Variants in EHMT1 observed in about 807,000 individuals in gnomAD.
The protein encoded by EHMT1 is euchromatic histone lysine methyltransferase 1.
Under a neutral mutation model 147.2 loss-of-function variants are expected in EHMT1, and 15 were observed. That is an observed-to-expected ratio of 0.10 (90% confidence interval 0.07 to 0.16). The LOEUF is 0.16. Among genes scored for constraint, EHMT1 ranks in the 10% least tolerant of loss-of-function variants. The probability of loss-of-function intolerance (pLI) is 1.00; values close to 1 mark genes in which losing one functional copy is unlikely to be tolerated. For missense variants in EHMT1, 1,587 were observed against 1,772.4 expected (o/e 0.90, Z 1.88); for synonymous variants, 795 against 709.6 (o/e 1.12, Z -1.91).
chr9:137,695,923 A>G (rs1423915911), intron 1 of EHMT1, among the ~76,000 whole-genome samples: 3 of 152,250 alleles, frequency 2.0e-5, no homozygotes, highest in African/African-American at 7.2e-5. Context: ...GACAAATGCC[A>G]TAGCCGAAAG....
At chr9:137,760,138 C>T (rs4610828) in intron 9 of EHMT1, among the ~76,000 whole-genome samples, 14,674 of 152,106 alleles carry the variant, frequency 0.096, 1,000 homozygotes, top group Non-Finnish European at 0.15. Context: ...TGGGCTAGGG[C>T]GGGAGAGGCA....
intron 1 of EHMT1, among the ~76,000 whole-genome samples, chr9:137,672,217 C>CT (rs1039596391): frequency 6.6e-6 from 1 of 152,160 alleles, no homozygotes; most frequent in African/African-American, 2.4e-5. Context: ...ACTTTTGTTT[C>CT]TTTTTTTAAA....
rs924640838 is a variant in EHMT1, at chr9:137,828,855, G to T, written c.3541-5494G>T. ...TGCCAGTTCAGCACCTTGGAGAGCT[G>T]CCGCCTCTGTGCCTCCCCTCCTGCT... On this transcript the variant is annotated intron_variant, in intron 25 of 26. Transcript: ENST00000460843. The surrounding 1 kb of genome is among the most constrained non-coding windows in gnomAD (Gnocchi z 5.3). Among the ~76,000 whole-genome samples the T allele has an allele frequency of 5.3e-5, 8 of 152,150 alleles. No individual in the cohort carries two copies. The highest frequency in any genetic ancestry group is 1.4e-4 in the African/African-American group (6 of 41,434).
chr9:137,817,852 CGCAGAGCTTTCG>C (rs1564819364), intron 24 of EHMT1, 196 bp from the exon 25 acceptor site: 1 of 637,556 alleles, frequency 1.6e-6, no homozygotes, highest in East Asian at 2.7e-5. Flanking sequence ...AGACCGCAGA[CGCAGAGCTTTCG>C]GTATCGTTAT....
chr9:137,817,315 G>A (rs895841769), intron 23 of EHMT1, 124 bp from the exon 24 acceptor site: 11 of 1,093,028 alleles, frequency 1.0e-5, no homozygotes, highest in African/African-American at 4.6e-5. Context: ...AGCATCGAAC[G>A]CTTCGGATAC....
chr9:137,787,874 G>T lies in EHMT1; in HGVS notation c.2383-2974G>T, dbSNP rs2137023089. The T allele has an allele frequency of 8.3e-7, 1 of 1,209,924 alleles. No individual in the cohort carries two copies. The highest frequency in any genetic ancestry group is 2.3e-5 in the East Asian group (1 of 42,886). The allele number at this position is 1,209,924 out of a possible 1,614,324, so 74.9% of individuals were successfully genotyped here. A position where few individuals can be genotyped will look rare whatever the true frequency, so the allele number is the denominator to read the frequency against. ...GACATTGGGGATAGGAGGTGGGTGGGGGTGCCAAGGGCATTACCACATTGG... is the reference window on the plus strand; with the variant it reads ...GACATTGGGGATAGGAGGTGGGTGGTGGTGCCAAGGGCATTACCACATTGG... On this transcript the variant is annotated intron_variant, in intron 15 of 26. Coordinates refer to ENST00000460843, the MANE Select transcript of EHMT1 (RefSeq NM_024757.5). This position sits in a 1 kb window ranked among gnomAD's most constrained non-coding sequence, Gnocchi z 4.2.
chr9:137,744,606 C>T (rs537632363), intron 6 of EHMT1, among the ~76,000 whole-genome samples: 5 of 152,372 alleles, frequency 3.3e-5, no homozygotes, highest in East Asian at 3.9e-4. Context: ...CCATGAGCCA[C>T]GGCGCCCGCC....
At chr9:137,770,157 GTGTTTTTTTCTTTCTT>G (rs1950501233) in intron 10 of EHMT1, among the ~76,000 whole-genome samples, 1 of 152,156 alleles carries the variant, frequency 6.6e-6, no homozygotes, top group Non-Finnish European at 1.5e-5. Flanking sequence ...CTTCAGTCTT[GTGTTTTTTTCTTTCTT>G]TCTGGGATTC....
At position 137,813,562 on chromosome 9, in the gene EHMT1, G is replaced by C. The variant is rs2137726855; in HGVS notation, c.3180+32G>C. 2 of 1,612,610 alleles carry C rather than the reference G, an allele frequency of 1.2e-6. No homozygotes were observed. The highest frequency in any genetic ancestry group is 4.5e-5 in the East Asian group (2 of 44,870). On this transcript the variant is annotated intron_variant, in intron 21 of 26. Coordinates refer to ENST00000460843, the MANE Select transcript of EHMT1 (RefSeq NM_024757.5). This position sits in a 1 kb window ranked among gnomAD's most constrained non-coding sequence, Gnocchi z 4.9. ...GACGGCAGATGAAGGGCTGACTCAG[G>C]CCAGGACATGGGACAGGCAGAAGCT...
chr9:137,820,437 C>T (rs1425751174), intron 25 of EHMT1, among the ~76,000 whole-genome samples: 1 of 152,242 alleles, frequency 6.6e-6, no homozygotes, highest in Non-Finnish European at 1.5e-5. Flanking sequence ...CAGATGTCGC[C>T]TTCTCTCTAT....
intron 22 of EHMT1, 62 bp from the exon 23 acceptor site, chr9:137,815,885 A>G: frequency 7.3e-7 from 1 of 1,367,062 alleles, no homozygotes; most frequent in African/African-American, 1.4e-5. Context: ...AAATGGGTTG[A>G]TGTCAGTTCA....
chr9:137,638,898 G>T (rs371047544), intron 1 of EHMT1, among the ~76,000 whole-genome samples: 2 of 152,164 alleles, frequency 1.3e-5, no homozygotes, highest in Non-Finnish European at 2.9e-5. Context: ...CGAGGCAGGG[G>T]ATGGCACTCC....
At chr9:137,643,949 CCT>C (rs1419785192) in intron 1 of EHMT1, among the ~76,000 whole-genome samples, 2 of 152,166 alleles carry the variant, frequency 1.3e-5, no homozygotes, top group African/African-American at 2.4e-5. Flanking sequence ...TCTTCTCACC[CCT>C]GTCTGACGTG....
intron 10 of EHMT1, chr9:137,763,262 G>C: frequency 2.9e-6 from 1 of 340,590 alleles, no homozygotes; most frequent in Non-Finnish European, 5.5e-6. Flanking sequence ...CACAGACTCA[G>C]AGGGTTCAGC....
intron 1 of EHMT1, among the ~76,000 whole-genome samples, chr9:137,657,021 G>A (rs1392986883): frequency 6.6e-6 from 1 of 152,188 alleles, no homozygotes; most frequent in Non-Finnish European, 1.5e-5. Flanking sequence ...GATTACAGGT[G>A]TGAGCCACCG....
intron 1 of EHMT1, among the ~76,000 whole-genome samples, chr9:137,694,084 C>G: frequency 1.1e-5 from 1 of 93,248 alleles, no homozygotes; most frequent in Non-Finnish European, 2.2e-5. Flanking sequence ...GGCCGATACC[C>G]CCCACACAGT....
chr9:137,768,742 G>T (rs1348362786), intron 10 of EHMT1, among the ~76,000 whole-genome samples: 1 of 150,976 alleles, frequency 6.6e-6, no homozygotes, highest in Non-Finnish European at 1.5e-5. Context: ...GTAGAGACGG[G>T]GTTTCACCGT....
chr9:137,827,993 CCT>C (rs775647989), intron 25 of EHMT1, among the ~76,000 whole-genome samples: 42 of 152,280 alleles, frequency 2.8e-4, no homozygotes, highest in Non-Finnish European at 5.3e-4. Context: ...AGGCCGTGCC[CCT>C]GTGTGAAGGG....
chr9:137,808,086 G>T (rs1321205508), intron 18 of EHMT1, among the ~76,000 whole-genome samples: 1 of 152,118 alleles, frequency 6.6e-6, no homozygotes, highest in East Asian at 1.9e-4. Flanking sequence ...TTGTTAGGTG[G>T]GTCTGGAGCC....
Sources: allele counts gnomAD v4.1 joint callset (sites outside exome capture counted in the v4.1 genomes callset), GRCh38; gene constraint gnomAD v4.1.1; non-coding constraint Gnocchi (gnomAD v3.1); transcripts MANE v1.5; gene names NCBI Gene and HGNC (gene_info 2026-07-23, HGNC 2026-07-21).